Variants in PCDH17 observed in about 807,000 individuals in gnomAD.
The protein encoded by PCDH17 is protocadherin 17, also known as protocadherin-17.
A neutral mutation model predicts 67.7 loss-of-function variants in PCDH17; 21 were observed. The ratio of observed to expected loss-of-function variants is 0.31; its 90% CI spans 0.22 to 0.45. PCDH17 has a LOEUF of 0.45. PCDH17 is among the 20% of genes least tolerant of loss of function. The probability of loss-of-function intolerance (pLI) is 1.00; values close to 1 mark genes in which losing one functional copy is unlikely to be tolerated. For missense variants in PCDH17, 1,471 were observed against 1,564.8 expected (o/e 0.94, Z 1.01); for synonymous variants, 701 against 656.7 (o/e 1.07, Z -1.03).
intron 1 of PCDH17, among the ~76,000 whole-genome samples, chr13:57,650,085 A>G (rs949272874): frequency 5.3e-5 from 8 of 152,200 alleles, no homozygotes; most frequent in African/African-American, 1.9e-4. Context: ...AAAGTGTCTA[A>G]CACACCAATA....
intron 3 of PCDH17, among the ~76,000 whole-genome samples, chr13:57,722,949 T>A (rs1293510895): frequency 3.3e-5 from 5 of 152,140 alleles, no homozygotes; most frequent in Admixed American, 6.6e-5. Context: ...AAATTTCAGT[T>A]CTAATTTAAA....
At chr13:57,666,403 T>G in intron 1 of PCDH17, 65 bp from the exon 2 acceptor site, 1 of 1,202,166 alleles carries the variant, frequency 8.3e-7, no homozygotes, top group Non-Finnish European at 1.2e-6. Context: ...CTAGGAAATC[T>G]TGTTGCTCTG....
In PCDH17 at chr13:57,633,588, G is replaced by A; in HGVS notation, c.1042G>A (p.Ala348Thr). The change falls in exon 1 of 4, where the codon GCG (alanine) becomes ACG (threonine). Residue 348 changes from alanine to threonine, a missense_variant. Around this residue, in one of 3 missense-constraint regions of PCDH17, gnomAD observed 1,163 missense variants for 1,230.0 expected, o/e 0.95. Transcript: ENST00000377918. The surrounding 1 kb of genome is among the most constrained non-coding windows in gnomAD (Gnocchi z 6.2). ...CAAGCTCATCGACCGCAACGACAAT[G>A]CGCCGTCCATCGGTTTCGTCTCCGT... is the stretch of plus-strand genomic sequence containing the variant. ...TVKLIDRNDN[A>T]PSIGFVSVRQ... is the part of the protein sequence containing the mutation. 6.2e-7 allele frequency: 1 copy of A among 1,613,136 alleles called. No individual in the cohort carries two copies. The highest frequency in any genetic ancestry group is 8.5e-7 in the Non-Finnish European group (1 of 1,180,034).
chr13:57,666,685 A>G lies in PCDH17; in HGVS notation c.2649A>G (p.Glu883=), dbSNP rs1310334063. The change falls in exon 3 of 4, where the codon GAA becomes GAG. Residue 883 remains glutamate (E), a synonymous_variant. Coordinates refer to ENST00000377918, the MANE Select transcript of PCDH17 (RefSeq NM_001040429.3). ...VQSSSTFKDP[E]RASLRDSGHG... Reference sequence around the variant, plus strand: ...GTAGCTCCACGTTTAAGGACCCAGAAAGAGCCAGCCTGAGAGACAGTGGGC... The same window carrying G: ...GTAGCTCCACGTTTAAGGACCCAGAGAGAGCCAGCCTGAGAGACAGTGGGC... 3.7e-6 allele frequency: 6 copies of G among 1,612,676 alleles called. No individual in the cohort carries two copies. The highest frequency in any genetic ancestry group is 4.2e-6 in the Non-Finnish European group (5 of 1,179,312).
At chr13:57,694,386 A>T (rs1022710546) in intron 3 of PCDH17, among the ~76,000 whole-genome samples, 7 of 151,196 alleles carry the variant, frequency 4.6e-5, no homozygotes, top group Non-Finnish European at 8.9e-5. Flanking sequence ...AGCAATGAAG[A>T]TGAAAAGATT....
At chr13:57,700,241 A>G (rs1282427507) in intron 3 of PCDH17, among the ~76,000 whole-genome samples, 2 of 151,948 alleles carry the variant, frequency 1.3e-5, no homozygotes, top group African/African-American at 4.8e-5. Flanking sequence ...AAAAATAAAC[A>G]TATTTTATTT....
intron 3 of PCDH17, among the ~76,000 whole-genome samples, chr13:57,723,578 G>A (rs1955888975): frequency 6.6e-6 from 1 of 151,976 alleles, no homozygotes; most frequent in Non-Finnish European, 1.5e-5. Context: ...ATTACATAAA[G>A]GTAAATTGTA....
chr13:57,701,951 T>C (rs1233480520), intron 3 of PCDH17, among the ~76,000 whole-genome samples: 2 of 152,014 alleles, frequency 1.3e-5, no homozygotes, highest in Non-Finnish European at 2.9e-5. Context: ...GGAGTCTTGC[T>C]CTGTTGCCCA....
intron 3 of PCDH17, among the ~76,000 whole-genome samples, chr13:57,670,353 A>T (rs1172566847): frequency 6.6e-6 from 1 of 151,710 alleles, no homozygotes; most frequent in Non-Finnish European, 1.5e-5. Context: ...TTTCATGTAG[A>T]TTTCAAATAT....
At chr13:57,700,909 C>A (rs7324502) in intron 3 of PCDH17, among the ~76,000 whole-genome samples, 124,290 of 151,984 alleles carry the variant, frequency 0.82, 51,338 homozygotes, top group African/African-American at 0.93. Context: ...TGTGCTTGTA[C>A]TCCCAACTAC....
chr13:57,634,318 A>G lies in PCDH17; in HGVS notation c.1772A>G (p.Asp591Gly). 1 of 1,612,852 alleles carries G rather than the reference A, an allele frequency of 6.2e-7. No homozygotes were observed. The highest frequency in any genetic ancestry group is 8.5e-7 in the Non-Finnish European group (1 of 1,179,986). The change falls in exon 1 of 4, where the codon GAC becomes GGC. Residue 591 changes from aspartate (D) to glycine (G), a missense_variant. Asp to Gly is a moderately conservative substitution (Grantham distance 94). Transcript: ENST00000377918. This position sits in a 1 kb window ranked among gnomAD's most constrained non-coding sequence, Gnocchi z 7.8. ...ATCGTGCTCCCCACGCTGCAGAACG[A>G]CACCGCGGAGCTGCAGGTGCCGCGC... is the stretch of plus-strand genomic sequence containing the variant. ...PVIVLPTLQNDTAELQVPRNA... is the reference protein window; with the variant it reads ...PVIVLPTLQNGTAELQVPRNA...
At chr13:57,630,556 A>G (rs1302375893), upstream of PCDH17, among the ~76,000 whole-genome samples, 1 of 152,128 alleles carries the variant, frequency 6.6e-6, no homozygotes, top group Non-Finnish European at 1.5e-5. Flanking sequence ...ACCAAGAGGA[A>G]AGGTTTAAAA....
chr13:57,653,641 TGAG>T (rs1226183785), intron 1 of PCDH17, among the ~76,000 whole-genome samples: 1 of 152,060 alleles, frequency 6.6e-6, no homozygotes, highest in African/African-American at 2.4e-5. Context: ...AATATAGTGG[TGAG>T]ATCATCCTAT....
intron 3 of PCDH17, among the ~76,000 whole-genome samples, chr13:57,690,335 T>A (rs1955547016): frequency 6.6e-6 from 1 of 151,686 alleles, no homozygotes; most frequent in African/African-American, 2.4e-5. Context: ...TCTCTAAAAG[T>A]GGCAACACAA....
intron 3 of PCDH17, among the ~76,000 whole-genome samples, chr13:57,677,816 T>C (rs973476612): frequency 4.0e-5 from 6 of 151,880 alleles, no homozygotes; most frequent in African/African-American, 1.4e-4. Context: ...AAATACTGCA[T>C]GATCTCACTC....
intron 3 of PCDH17, among the ~76,000 whole-genome samples, chr13:57,684,488 T>C (rs1955488523): frequency 6.6e-6 from 1 of 151,912 alleles, no homozygotes; most frequent in African/African-American, 2.4e-5. Context: ...ACCAGGTTGC[T>C]AGGAACTTGT....
intron 1 of PCDH17, among the ~76,000 whole-genome samples, chr13:57,656,914 C>T (rs929802603): frequency 2.0e-5 from 3 of 152,024 alleles, no homozygotes; most frequent in Non-Finnish European, 4.4e-5. Flanking sequence ...TCTCAGTTGG[C>T]CCTGGGATTC....
chr13:57,697,300 A>G (rs1353243316), intron 3 of PCDH17, among the ~76,000 whole-genome samples: 1 of 151,718 alleles, frequency 6.6e-6, no homozygotes, highest in African/African-American at 2.4e-5. Flanking sequence ...ACAGTGATTT[A>G]GCAAATTTTT....
At chr13:57,668,845 A>C (rs990396951) in intron 3 of PCDH17, among the ~76,000 whole-genome samples, 1 of 151,992 alleles carries the variant, frequency 6.6e-6, no homozygotes, top group Non-Finnish European at 1.5e-5. Context: ...ATTTATATAT[A>C]TATATTTTTA....
Sources: gnomAD v4.1 joint callset for allele counts (sites outside exome capture counted in the v4.1 genomes callset) on GRCh38, gnomAD v4.1.1 for gene constraint, gnomAD v4.1.1 regional missense constraint, Gnocchi (gnomAD v3.1) non-coding constraint, MANE v1.5 for transcripts, NCBI Gene and HGNC (gene_info 2026-07-23, HGNC 2026-07-21) for gene names.